SULT4A1: variants seen among roughly 807,000 people sequenced by gnomAD.
SULT4A1 encodes sulfotransferase family 4A member 1.
Under a neutral mutation model 35.2 loss-of-function variants are expected in SULT4A1, and 11 were observed. The observed-to-expected ratio is 0.31, with a 90% CI of 0.20 to 0.52. SULT4A1 has a LOEUF of 0.52. Ranked by LOEUF, SULT4A1 falls within the 20% of genes least tolerant of loss-of-function variation. SULT4A1 has a pLI of 0.97. For missense variants in SULT4A1, 271 were observed against 383.7 expected, an observed-to-expected ratio of 0.71 and a Z score of 2.45; for synonymous variants, 152 against 151.8, an observed-to-expected ratio of 1.00 and a Z score of -0.01.
In SULT4A1 at chr22:43,825,889, T is replaced by A; in HGVS notation, c.*112A>T. On this transcript the variant is annotated 3_prime_UTR_variant, in exon 7 of 7. Transcript: ENST00000330884. ...ACGCCGCTCTTCCCTTCCCCCGCTG[T>A]TTCACACGCTGCTTCCAGAGTTTGT... 1 of 1,103,516 alleles carries A rather than the reference T, an allele frequency of 9.1e-7. No individual in the cohort carries two copies. The highest frequency in any genetic ancestry group is 1.3e-6 in the Non-Finnish European group (1 of 755,060). The allele number at this position is 1,103,516 out of a possible 1,614,324, so 68.4% of individuals were successfully genotyped here. A position where few individuals can be genotyped will look rare whatever the true frequency, so the allele number is the denominator to read the frequency against.
chr22:43,850,592 CT>C (rs1465398621), intron 1 of SULT4A1, among the ~76,000 whole-genome samples: 2 of 152,192 alleles, frequency 1.3e-5, no homozygotes, highest in Non-Finnish European at 1.5e-5. Flanking sequence ...GGACATGCCC[CT>C]GTTCCCTCTG....
At chr22:43,835,774 C>G (rs527769525) in intron 4 of SULT4A1, among the ~76,000 whole-genome samples, 1 of 152,178 alleles carries the variant, frequency 6.6e-6, no homozygotes, top group African/African-American at 2.4e-5. Context: ...ACAGACATCC[C>G]GGTGACATGG....
At chr22:43,859,833 G>C (rs1026040274) in intron 1 of SULT4A1, among the ~76,000 whole-genome samples, 8 of 152,186 alleles carry the variant, frequency 5.3e-5, no homozygotes, top group Non-Finnish European at 1.2e-4. Context: ...TGATGCTACT[G>C]AGGAACAGAA....
chr22:43,856,009 C>A (rs891223259), intron 1 of SULT4A1, among the ~76,000 whole-genome samples: 3 of 152,198 alleles, frequency 2.0e-5, no homozygotes, highest in African/African-American at 7.2e-5. Flanking sequence ...TGTGACAGCA[C>A]AGAACCTCTG....
At chr22:43,826,502 T>A in intron 6 of SULT4A1, 1 of 985,400 alleles carries the variant, frequency 1.0e-6, no homozygotes, top group South Asian at 4.7e-5. Context: ...GGAGCGAGTA[T>A]GATCTGCCGC....
At position 43,825,879 on chromosome 22, in the gene SULT4A1, T is replaced by C. The variant is rs1184369884; in HGVS notation, c.*122A>G. 3.1e-6 allele frequency: 3 copies of C among 982,302 alleles called. No homozygotes were observed. The highest frequency in any genetic ancestry group is 4.6e-6 in the Non-Finnish European group (3 of 653,230). 60.8% of individuals were successfully genotyped at this position (982,302 alleles called of 1,614,324 possible). A position where few individuals can be genotyped will look rare whatever the true frequency, so the allele number is the denominator to read the frequency against. On this transcript the variant is annotated 3_prime_UTR_variant, in exon 7 of 7. Coordinates refer to ENST00000330884, the MANE Select transcript of SULT4A1 (RefSeq NM_014351.4). ...CCCTCCGCTCACGCCGCTCTTCCCT[T>C]CCCCCGCTGTTTCACACGCTGCTTC...
intron 5 of SULT4A1, among the ~76,000 whole-genome samples, chr22:43,829,587 G>A (rs2063310866): frequency 6.6e-6 from 1 of 152,204 alleles, no homozygotes; most frequent in Admixed American, 6.5e-5. Context: ...GTCTGGGCTG[G>A]CCCTTGGGAG....
At chr22:43,842,194 A>C (rs1163426685) in intron 1 of SULT4A1, among the ~76,000 whole-genome samples, 2 of 152,282 alleles carry the variant, frequency 1.3e-5, no homozygotes, top group East Asian at 3.9e-4. Context: ...AACAGAACCC[A>C]GCCCCTGTTA....
intron 1 of SULT4A1, among the ~76,000 whole-genome samples, chr22:43,853,149 A>G (rs2148303144): frequency 6.6e-6 from 1 of 151,896 alleles, no homozygotes; most frequent in South Asian, 2.1e-4. Flanking sequence ...CTCACTCCAC[A>G]CACAAACACA....
intron 1 of SULT4A1, among the ~76,000 whole-genome samples, chr22:43,844,182 C>T (rs1157589603): frequency 6.6e-6 from 1 of 152,168 alleles, no homozygotes; most frequent in Non-Finnish European, 1.5e-5. Flanking sequence ...CCAACTGATA[C>T]GCACATGTAA....
At chr22:43,859,052 T>C (rs913778991) in intron 1 of SULT4A1, among the ~76,000 whole-genome samples, 1 of 152,128 alleles carries the variant, frequency 6.6e-6, no homozygotes, top group Non-Finnish European at 1.5e-5. Context: ...GCTTCCCCCA[T>C]GTCACTGCAA....
At chr22:43,830,791 G>A (rs1414634497) in intron 5 of SULT4A1, among the ~76,000 whole-genome samples, 2 of 152,212 alleles carry the variant, frequency 1.3e-5, no homozygotes, top group Non-Finnish European at 2.9e-5. Context: ...CGCAGGCAGT[G>A]AGCGCTCTGG....
intron 4 of SULT4A1, among the ~76,000 whole-genome samples, chr22:43,836,854 G>A (rs117821525): frequency 0.018 from 2,698 of 151,880 alleles, 35 homozygotes; most frequent in Middle Eastern, 0.045. Context: ...CCTACACAGC[G>A]TCCTGACACT....
In SULT4A1 at chr22:43,862,475, C is replaced by T. The variant is rs1603410955; in HGVS notation, c.-93G>A. 1 of 965,332 alleles carries T rather than the reference C, an allele frequency of 1.0e-6. No homozygotes were observed. Among genetic ancestry groups the T allele is most frequent in the Non-Finnish European group, 1.2e-6 (1 of 815,140 alleles). 59.8% of individuals were successfully genotyped at this position (965,332 alleles called of 1,614,324 possible). A position where few individuals can be genotyped will look rare whatever the true frequency, so the allele number is the denominator to read the frequency against. ...CGCGCCCGCGCCCCGCACACGCTCG[C>T]GCCCCACCGGCGCGCGGCGGCAGCT... On this transcript the variant is annotated 5_prime_UTR_variant, in exon 1 of 7. Transcript: ENST00000330884.
At chr22:43,842,746 A>G (rs1044046186) in intron 1 of SULT4A1, among the ~76,000 whole-genome samples, 1 of 152,190 alleles carries the variant, frequency 6.6e-6, no homozygotes, top group African/African-American at 2.4e-5. Flanking sequence ...AAGTGAGAAC[A>G]GTGTTTATAT....
At chr22:43,860,391 A>G (rs2049452341) in intron 1 of SULT4A1, among the ~76,000 whole-genome samples, 1 of 152,190 alleles carries the variant, frequency 6.6e-6, no homozygotes, top group African/African-American at 2.4e-5. Flanking sequence ...CTTAAAAGTC[A>G]GCATTAACCA....
intron 6 of SULT4A1, among the ~76,000 whole-genome samples, chr22:43,828,292 AC>A (rs200251038): frequency 6.6e-6 from 1 of 152,224 alleles, no homozygotes; most frequent in Non-Finnish European, 1.5e-5. Flanking sequence ...CAAGGCCAGC[AC>A]CCTGGGATTC....
chr22:43,842,067 G>T, intron 1 of SULT4A1, 135 bp from the exon 2 acceptor site: 2 of 1,366,224 alleles, frequency 1.5e-6, no homozygotes, highest in Non-Finnish European at 1.9e-6. Flanking sequence ...AGTCTGGGAA[G>T]AGGAGCGCGC....
intron 1 of SULT4A1, among the ~76,000 whole-genome samples, chr22:43,853,371 G>T (rs2049365636): frequency 6.6e-6 from 1 of 152,222 alleles, no homozygotes; most frequent in African/African-American, 2.4e-5. Context: ...GACAGTGGCA[G>T]CTCACTTCTG....
Sources: gnomAD v4.1 joint callset for allele counts (sites outside exome capture counted in the v4.1 genomes callset) on GRCh38, gnomAD v4.1.1 for gene constraint, MANE v1.5 for transcripts, NCBI Gene and HGNC (gene_info 2026-07-23, HGNC 2026-07-21) for gene names.